Variants in FNBP1L observed in about 807,000 individuals in gnomAD.
The protein encoded by FNBP1L is formin-binding protein 1-like.
A neutral mutation model predicts 91.2 loss-of-function variants in FNBP1L; 36 were observed. That is an observed-to-expected ratio of 0.39 (90% CI 0.30 to 0.52). The LOEUF is 0.52. FNBP1L is among the 20% of genes least tolerant of loss of function. FNBP1L has a pLI of 0.66. For synonymous variants in FNBP1L, 242 were observed against 237.0 expected (o/e 1.02, Z -0.19); for missense variants, 571 against 732.1 (o/e 0.78, Z 2.54).
At chr1:93,538,105 C>T (rs1267890894) in intron 10 of FNBP1L, among the ~76,000 whole-genome samples, 1 of 151,620 alleles carries the variant, frequency 6.6e-6, no homozygotes, top group Non-Finnish European at 1.5e-5. Context: ...CTACCAGGCC[C>T]AGTTAAAATA....
chr1:93,535,338 A>C (rs951993257), intron 9 of FNBP1L, among the ~76,000 whole-genome samples: 5 of 152,118 alleles, frequency 3.3e-5, no homozygotes, highest in Non-Finnish European at 7.4e-5. Flanking sequence ...ATGAGTTTTT[A>C]ATGGGAAAGG....
At chr1:93,546,459 A>G (rs1208231086) in intron 12 of FNBP1L, among the ~76,000 whole-genome samples, 1 of 152,152 alleles carries the variant, frequency 6.6e-6, no homozygotes, top group Non-Finnish European at 1.5e-5. Flanking sequence ...GTATGAGCTA[A>G]GGAACACTGT....
chr1:93,540,404 T>C (rs776918093), intron 10 of FNBP1L, among the ~76,000 whole-genome samples: 28 of 152,168 alleles, frequency 1.8e-4, no homozygotes, highest in Admixed American at 1.1e-3. Flanking sequence ...AAATTCAACC[T>C]ATATACTTGT....
intron 10 of FNBP1L, among the ~76,000 whole-genome samples, chr1:93,539,851 C>T (rs1671971674): frequency 6.6e-6 from 1 of 152,152 alleles, no homozygotes; most frequent in African/African-American, 2.4e-5. Flanking sequence ...GTGACCAACT[C>T]ATCAGAGATA....
intron 2 of FNBP1L, among the ~76,000 whole-genome samples, chr1:93,511,551 T>C (rs1449401890): frequency 3.9e-5 from 6 of 152,120 alleles, no homozygotes; most frequent in African/African-American, 1.4e-4. Context: ...CATCAACTAA[T>C]GAGCAAAATA....
At chr1:93,551,507 G>C in intron 16 of FNBP1L, 1 of 986,570 alleles carries the variant, frequency 1.0e-6, no homozygotes, top group Non-Finnish European at 1.2e-6. Context: ...TAGTGAAACT[G>C]CTCTGAAATG....
At chr1:93,479,179 G>C (rs905389131) in intron 1 of FNBP1L, among the ~76,000 whole-genome samples, 2 of 152,126 alleles carry the variant, frequency 1.3e-5, no homozygotes, top group African/African-American at 4.8e-5. Context: ...ATGCCTACCT[G>C]ATCCCCAAAA....
chr1:93,463,914 C>T (rs1668984233), intron 1 of FNBP1L, among the ~76,000 whole-genome samples: 1 of 152,128 alleles, frequency 6.6e-6, no homozygotes. Context: ...AACTTGCATA[C>T]ATTAACTTTC....
chr1:93,515,926 A>T (rs551018341), intron 2 of FNBP1L, among the ~76,000 whole-genome samples: 25 of 152,212 alleles, frequency 1.6e-4, no homozygotes, highest in African/African-American at 5.1e-4. Flanking sequence ...ATAATAATAA[A>T]AAGAGATTTT....
At chr1:93,466,169 G>A (rs1389722083) in intron 1 of FNBP1L, among the ~76,000 whole-genome samples, 1 of 151,972 alleles carries the variant, frequency 6.6e-6, no homozygotes, top group Admixed American at 6.6e-5. Context: ...CACTCTGATT[G>A]TAGTTTCTTT....
intron 1 of FNBP1L, among the ~76,000 whole-genome samples, chr1:93,484,380 A>G (rs189805928): frequency 0.015 from 2,258 of 152,340 alleles, 28 homozygotes; most frequent in Non-Finnish European, 0.024. Context: ...GGAAAAGGGG[A>G]AAACAGACTA....
intron 1 of FNBP1L, among the ~76,000 whole-genome samples, chr1:93,476,168 T>A (rs1189778070): frequency 6.6e-6 from 1 of 152,240 alleles, no homozygotes; most frequent in African/African-American, 2.4e-5. Flanking sequence ...ATTGCGATAG[T>A]AATGTACAAA....
chr1:93,517,447 C>T (rs912350710), intron 2 of FNBP1L, among the ~76,000 whole-genome samples: 1 of 152,132 alleles, frequency 6.6e-6, no homozygotes, highest in African/African-American at 2.4e-5. Context: ...CCACTTTGGC[C>T]TCCCAAAGCA....
rs553553603 is a variant in FNBP1L at position 93,523,606 on chromosome 1, T to C, written c.342+115T>C. 17 of 981,626 alleles carry C rather than the reference T, an allele frequency of 1.7e-5. No individual in the cohort carries two copies. The East Asian group carries it at 4.5e-4, about 26-fold the overall frequency. 60.8% of individuals were successfully genotyped at this position (981,626 alleles called of 1,614,324 possible). ...AAACTGGTTTTTCTATTTCACTACA[T>C]TTCTTCTAGCTAAAAATTATCACAA... On this transcript the variant is annotated intron_variant, in intron 4 of 16. Transcript: ENST00000271234.
intron 10 of FNBP1L, among the ~76,000 whole-genome samples, chr1:93,538,366 C>A (rs528581899): frequency 1.3e-5 from 2 of 151,126 alleles, no homozygotes; most frequent in South Asian, 2.1e-4. Flanking sequence ...AAGTTATTTA[C>A]GTAAGATAGC....
At chr1:93,535,837 A>C (rs1238799904) in intron 9 of FNBP1L, among the ~76,000 whole-genome samples, 1 of 151,918 alleles carries the variant, frequency 6.6e-6, no homozygotes, top group East Asian at 1.9e-4. Flanking sequence ...AAAAAAGGTG[A>C]AATAAGGATG....
chr1:93,495,466 G>T (rs998990578), intron 1 of FNBP1L, among the ~76,000 whole-genome samples: 11 of 152,130 alleles, frequency 7.2e-5, no homozygotes, highest in African/African-American at 2.4e-4. Context: ...TCATTTGTAG[G>T]TATGCAAAGA....
intron 10 of FNBP1L, among the ~76,000 whole-genome samples, chr1:93,540,045 C>T (rs995788673): frequency 1.1e-4 from 17 of 151,858 alleles, no homozygotes; most frequent in African/African-American, 3.9e-4. Context: ...TATAAAGCTC[C>T]GTTGCATTTT....
At chr1:93,524,092 A>G (rs2101751691) in intron 4 of FNBP1L, among the ~76,000 whole-genome samples, 169 bp from the exon 5 acceptor site, 1 of 152,250 alleles carries the variant, frequency 6.6e-6, no homozygotes, top group East Asian at 1.9e-4. Flanking sequence ...GAAGTTTTGC[A>G]TTACTTTCTT....
Sources: allele counts gnomAD v4.1 joint callset (sites outside exome capture counted in the v4.1 genomes callset), GRCh38; gene constraint gnomAD v4.1.1; transcripts MANE v1.5; gene names NCBI Gene and HGNC (gene_info 2026-07-23, HGNC 2026-07-21).